Variants in LARP4B observed in about 807,000 individuals in gnomAD.
LARP4B encodes the protein La ribonucleoprotein 4B.
In LARP4B, 12 loss-of-function variants were observed where a neutral mutation model predicts 89.8. The observed-to-expected ratio is 0.13, with a 90% CI of 0.09 to 0.22. The LOEUF is 0.22. Ranked by LOEUF, LARP4B falls within the 10% of genes least tolerant of loss-of-function variation. The pLI is 1.00. For missense variants in LARP4B, 757 were observed against 947.7 expected, an observed-to-expected ratio of 0.80 and a Z score of 2.64; for synonymous variants, 367 against 363.3, an observed-to-expected ratio of 1.01 and a Z score of -0.12.
At chr10:842,185 TC>T (rs1350690821) in intron 7 of LARP4B, among the ~76,000 whole-genome samples, 1 of 151,946 alleles carries the variant, frequency 6.6e-6, no homozygotes, top group Non-Finnish European at 1.5e-5. Flanking sequence ...AGAAACAACT[TC>T]ACTCACAACA....
intron 3 of LARP4B, among the ~76,000 whole-genome samples, chr10:883,730 C>T (rs1220669213): frequency 6.6e-6 from 1 of 150,768 alleles, no homozygotes; most frequent in African/African-American, 2.4e-5. Flanking sequence ...AGTTCAGAAG[C>T]TCGAGACTAG....
chr10:840,112 G>C (rs1477910204), intron 7 of LARP4B, among the ~76,000 whole-genome samples: 3 of 152,244 alleles, frequency 2.0e-5, no homozygotes, highest in Non-Finnish European at 4.4e-5. Context: ...GCCTGGGGAG[G>C]GGGTAGAGGA....
chr10:866,483 T>C (rs1588938399), intron 3 of LARP4B, among the ~76,000 whole-genome samples: 2 of 152,212 alleles, frequency 1.3e-5, no homozygotes, highest in South Asian at 2.1e-4. Flanking sequence ...TGGAGCTACA[T>C]GAGGGGGCAG....
At chr10:870,985 T>A (rs1028880244) in intron 3 of LARP4B, among the ~76,000 whole-genome samples, 5 of 152,242 alleles carry the variant, frequency 3.3e-5, no homozygotes, top group African/African-American at 1.2e-4. Flanking sequence ...CAGCGTTCTC[T>A]GTTGCACTAG....
At chr10:877,714 G>A (rs1835512669) in intron 3 of LARP4B, among the ~76,000 whole-genome samples, 1 of 152,172 alleles carries the variant, frequency 6.6e-6, no homozygotes, top group Non-Finnish European at 1.5e-5. Context: ...TGCACAGTAA[G>A]AGCCATGAGA....
the LARP4B span, among the ~76,000 whole-genome samples, chr10:975,431 G>A: frequency 6.6e-6 from 1 of 152,322 alleles, no homozygotes; most frequent in East Asian, 1.9e-4. Flanking sequence ...ACACCCTGAG[G>A]TGTACTCCTA....
the LARP4B span, among the ~76,000 whole-genome samples, chr10:945,661 C>G: frequency 2.0e-5 from 3 of 149,038 alleles, no homozygotes; most frequent in African/African-American, 7.4e-5. Flanking sequence ...GCACTCCAGC[C>G]TGGGCAACAG....
At chr10:946,422 A>AT in the LARP4B span, among the ~76,000 whole-genome samples, 1 of 152,190 alleles carries the variant, frequency 6.6e-6, no homozygotes, top group Admixed American at 6.5e-5. Flanking sequence ...GATAATTGTG[A>AT]TTTTTAAAGT....
At position 907,753 on chromosome 10, in the gene LARP4B, G is replaced by A. The variant is rs181137767; in HGVS notation, c.-39-21993C>T. ...ATATGACTGGGCTGGCAGTCCTAAG[G>A]TGTTTTCAGGATGGGAACTAGTCAC... On this transcript the variant is annotated intron_variant, in intron 1 of 17. Coordinates refer to ENST00000316157, the MANE Select transcript of LARP4B (RefSeq NM_015155.3). Among the ~76,000 whole-genome samples the A allele has an allele frequency of 9.4e-4, 143 of 152,254 alleles. 1 individual carries two copies. Among genetic ancestry groups the A allele is most frequent in the Admixed American group, 1.8e-3 (28 of 15,286 alleles).
chr10:955,936 ACT>A, the LARP4B span, among the ~76,000 whole-genome samples: 6 of 151,930 alleles, frequency 3.9e-5, no homozygotes, highest in East Asian at 1.2e-3. The surrounding 1 kb of genome is among the most constrained non-coding windows in gnomAD (Gnocchi z 5.2). Context: ...GCCTGAGGCC[ACT>A]GTTCCCCACT....
the LARP4B span, among the ~76,000 whole-genome samples, chr10:948,083 C>A: frequency 8.1e-5 from 12 of 148,290 alleles, no homozygotes; most frequent in Non-Finnish European, 1.6e-4. Context: ...CGACTGCCCA[C>A]CGCCCACCAC....
intron 7 of LARP4B, among the ~76,000 whole-genome samples, chr10:841,019 G>A (rs1833496394): frequency 6.6e-6 from 1 of 152,132 alleles, no homozygotes; most frequent in Non-Finnish European, 1.5e-5. Flanking sequence ...TGGGCGTGGT[G>A]GTGCACGCTT....
chr10:825,992 T>A lies in LARP4B; in HGVS notation c.1126-122A>T, dbSNP rs1383739050. ...ATGTTGTCAGAGTCATGACCCATGC[T>A]GAGACATGTATTTTACAATTTTATC... On this transcript the variant is annotated intron_variant, in intron 11 of 17. Transcript: ENST00000316157. The A allele has an allele frequency of 4.5e-6, 3 of 670,482 alleles. No individual in the cohort carries two copies. In the African/African-American group the frequency reaches 5.4e-5, roughly 12 times the overall value. 41.5% of individuals were successfully genotyped at this position (670,482 alleles called of 1,614,324 possible). A position where few individuals can be genotyped will look rare whatever the true frequency, so the allele number is the denominator to read the frequency against.
At chr10:884,988 T>C (rs60610824) in intron 2 of LARP4B, among the ~76,000 whole-genome samples, 3,237 of 152,296 alleles carry the variant, frequency 0.021, 105 homozygotes, top group African/African-American at 0.067. Context: ...TAGTTTCCTC[T>C]ACTAAGCTAC....
At chr10:846,794 C>G (rs1481294845) in intron 5 of LARP4B, among the ~76,000 whole-genome samples, 1 of 152,050 alleles carries the variant, frequency 6.6e-6, no homozygotes, top group African/African-American at 2.4e-5. Context: ...GCCGAAGCCA[C>G]AAGGGAAGGA....
intron 1 of LARP4B, among the ~76,000 whole-genome samples, chr10:916,060 A>C (rs1032357110): frequency 6.6e-6 from 1 of 152,184 alleles, no homozygotes; most frequent in African/African-American, 2.4e-5. Flanking sequence ...TTAAAATTGT[A>C]TGTGAAGCTT....
At chr10:845,399 C>T (rs1353337556) in intron 5 of LARP4B, among the ~76,000 whole-genome samples, 1 of 152,094 alleles carries the variant, frequency 6.6e-6, no homozygotes, top group Non-Finnish European at 1.5e-5. Context: ...AACACAAACC[C>T]TAAACAATAA....
intron 15 of LARP4B, among the ~76,000 whole-genome samples, chr10:816,339 C>T (rs1390195737): frequency 1.3e-5 from 2 of 152,208 alleles, no homozygotes; most frequent in African/African-American, 4.8e-5. Flanking sequence ...TCACGAGCTC[C>T]ATGTCAACAG....
intron 8 of LARP4B, among the ~76,000 whole-genome samples, chr10:832,838 A>G (rs896461376): frequency 2.0e-5 from 3 of 152,264 alleles, no homozygotes; most frequent in African/African-American, 7.2e-5. Flanking sequence ...GGCAGAAGGA[A>G]AGTCCAGATT....
Sources: allele counts gnomAD v4.1 joint callset (sites outside exome capture counted in the v4.1 genomes callset), GRCh38; gene constraint gnomAD v4.1.1; non-coding constraint Gnocchi (gnomAD v3.1); transcripts MANE v1.5; gene names NCBI Gene and HGNC (gene_info 2026-07-23, HGNC 2026-07-21).